The following TTYH3 variants were observed in gnomAD, a reference collection of about 807,000 sequenced individuals.
TTYH3 encodes the protein protein tweety homolog 3.
Under a neutral mutation model 68.2 loss-of-function variants are expected in TTYH3, and 23 were observed. That is an observed-to-expected ratio of 0.34 (90% CI 0.24 to 0.48). The LOEUF (loss-of-function observed/expected upper bound fraction) is 0.48, where lower values mean the gene tolerates loss of function less well. Ranked by LOEUF, TTYH3 falls within the 20% of genes least tolerant of loss-of-function variation. The pLI is 0.99. For synonymous variants in TTYH3, 360 were observed against 332.8 expected (o/e 1.08, Z -0.89); for missense variants, 768 against 727.7 (o/e 1.06, Z -0.64).
At chr7:2,650,123 T>C (rs1244599860) in intron 7 of TTYH3, 135 bp downstream of exon 7, 2 of 813,134 alleles carry the variant, frequency 2.5e-6, no homozygotes, top group African/African-American at 3.4e-5. Flanking sequence ...CAGGCCAAGA[T>C]GCTAGTGAGC....
At chr7:2,654,390 GTC>G (rs1264143719) in intron 9 of TTYH3, among the ~76,000 whole-genome samples, 2 of 151,734 alleles carry the variant, frequency 1.3e-5, no homozygotes, top group Non-Finnish European at 2.9e-5. Context: ...GCAAGACCCT[GTC>G]TCTCTCTCTC....
At chr7:2,643,556 A>ATGGGCGTCCCCTGCCCACTGCCCC (rs1785908318) in intron 1 of TTYH3, among the ~76,000 whole-genome samples, 1 of 152,170 alleles carries the variant, frequency 6.6e-6, no homozygotes, top group Non-Finnish European at 1.5e-5. Flanking sequence ...CCCACCGGGC[A>ATGGGCGTCCCCTGCCCACTGCCCC]TGGGCGTCCC....
chr7:2,648,079 C>T (rs757060288), intron 5 of TTYH3, 25 bp downstream of exon 5: 54 of 1,596,828 alleles, frequency 3.4e-5, no homozygotes, highest in South Asian at 7.7e-5. Context: ...GTCGGCCCCC[C>T]GTGGGCCCAA....
At chr7:2,637,373 T>G (rs970425927) in intron 1 of TTYH3, among the ~76,000 whole-genome samples, 6 of 152,164 alleles carry the variant, frequency 3.9e-5, no homozygotes, top group Non-Finnish European at 8.8e-5. Context: ...AAAGCACTTT[T>G]CTTGGAGAGC....
chr7:2,640,117 C>T (rs1267316972), intron 1 of TTYH3, among the ~76,000 whole-genome samples: 1 of 152,222 alleles, frequency 6.6e-6, no homozygotes, highest in Admixed American at 6.5e-5. Context: ...TCAGGGCAGA[C>T]CCGCAGCAGT....
Position 2,635,146 on chromosome 7 carries a change from G to A in TTYH3, c.123+2868G>A, listed in dbSNP as rs1583552644. On this transcript the variant is annotated intron_variant, in intron 1 of 13. Coordinates refer to ENST00000258796, the MANE Select transcript of TTYH3 (RefSeq NM_025250.3). ...CCCACAGGAGGCCTGAGACTCCCTG[G>A]TGGCCCTGCAGCTGAGCTGGCAGGG... Among the ~76,000 whole-genome samples the A allele has an allele frequency of 2.0e-5, 3 of 152,306 alleles. No individual in the cohort carries two copies. The South Asian group carries it at 6.2e-4, about 32-fold the overall frequency.
At chr7:2,633,113 C>T (rs749247453) in intron 1 of TTYH3, among the ~76,000 whole-genome samples, 3 of 149,882 alleles carry the variant, frequency 2.0e-5, no homozygotes, top group Non-Finnish European at 3.0e-5. Flanking sequence ...CGCCAAGCTA[C>T]TGTCATTTGA....
chr7:2,647,014 G>A lies in TTYH3; in HGVS notation c.285G>A (p.Leu95=), dbSNP rs762592621. ...CTAWCVIIAT[L]VCSAGIAVGF... ...CCTGGTGTGTCATCATCGCCACGCT[G>A]GTGTGCAGGTGAGCGCGGTGGGGCG... Residue 95 remains leucine (L), a synonymous_variant, in exon 2 of 14, where the codon CTG becomes CTA. Coordinates refer to ENST00000258796, the MANE Select transcript of TTYH3 (RefSeq NM_025250.3). The A allele has an allele frequency of 5.1e-6, 8 of 1,568,796 alleles. No individual in the cohort carries two copies. The Admixed American group carries it at 1.1e-4, about 22-fold the overall frequency.
At chr7:2,633,219 T>C (rs1435960874) in intron 1 of TTYH3, among the ~76,000 whole-genome samples, 2 of 152,138 alleles carry the variant, frequency 1.3e-5, no homozygotes, top group African/African-American at 4.8e-5. Context: ...CACCCGGAGT[T>C]TCTCTCTGGA....
intron 1 of TTYH3, among the ~76,000 whole-genome samples, chr7:2,638,770 A>G (rs996790936): frequency 2.0e-5 from 3 of 152,118 alleles, no homozygotes; most frequent in South Asian, 2.1e-4. Context: ...CGAGTGTGCT[A>G]TGGGTAGGGG....
At chr7:2,656,675 A>G in intron 11 of TTYH3, 141 bp downstream of exon 11, 1 of 1,026,782 alleles carries the variant, frequency 9.7e-7, no homozygotes, top group Non-Finnish European at 1.3e-6. Context: ...GACCCTCCCT[A>G]GGCCTCTCTA....
rs1324233850 is a variant in TTYH3, at chr7:2,647,182, A to G, written c.334A>G (p.Ser112Gly). 3 of 1,606,972 alleles carry G rather than the reference A, an allele frequency of 1.9e-6. No homozygotes were observed. The highest frequency in any genetic ancestry group is 2.7e-5 in the African/African-American group (2 of 74,856). ...AVGFYGNGET[S>G]DGIHRATYSL... Reference sequence around the variant, plus strand: ...GGGATTCTACGGCAACGGGGAGACCAGTGATGGCATCCATAGGGCCACCTA... The same window carrying G: ...GGGATTCTACGGCAACGGGGAGACCGGTGATGGCATCCATAGGGCCACCTA... Residue 112 changes from serine (S) to glycine (G), a missense_variant, in exon 3 of 14, where the codon AGT (serine) becomes GGT (glycine). Ser to Gly is a moderately conservative substitution (Grantham distance 56). Transcript: ENST00000258796.
chr7:2,653,038 G>T, intron 9 of TTYH3, 28 bp downstream of exon 9: 1 of 1,537,486 alleles, frequency 6.5e-7, no homozygotes, highest in Non-Finnish European at 8.8e-7. Context: ...AGGCACTGGG[G>T]CAGGCAGGGC....
rs1165980334 is a variant in TTYH3, at chr7:2,662,003, G to C, written c.*264G>C. 3.4e-6 allele frequency: 2 copies of C among 589,072 alleles called. No homozygotes were observed. The highest frequency in any genetic ancestry group is 4.5e-4 in the Middle Eastern group (1 of 2,206). 36.5% of individuals were successfully genotyped at this position (589,072 alleles called of 1,614,324 possible). On this transcript the variant is annotated 3_prime_UTR_variant, in exon 14 of 14. Transcript: ENST00000258796. ...AGCCCTGCACGCCACCCACTATCCC[G>C]GCACGCTCCCTCTGCAGATGGTCGC...
At chr7:2,651,727 T>G (rs1460051248) in intron 7 of TTYH3, among the ~76,000 whole-genome samples, 1 of 152,210 alleles carries the variant, frequency 6.6e-6, no homozygotes, top group Non-Finnish European at 1.5e-5. Context: ...TTCATCATTT[T>G]TTGAACTTTT....
intron 7 of TTYH3, 123 bp from the exon 8 acceptor site, chr7:2,652,064 C>A (rs951021083): frequency 5.6e-5 from 44 of 787,370 alleles, no homozygotes; most frequent in Non-Finnish European, 9.4e-5. Flanking sequence ...CACAGACACA[C>A]ATGCACACAT....
intron 12 of TTYH3, 79 bp from the exon 13 acceptor site, chr7:2,658,861 C>T: frequency 7.1e-7 from 1 of 1,411,218 alleles, no homozygotes; most frequent in African/African-American, 1.4e-5. Flanking sequence ...CACAGCGGGC[C>T]TACCCATGGG....
chr7:2,652,841 C>T (rs570456334), intron 8 of TTYH3, 77 bp from the exon 9 acceptor site: 54 of 1,222,032 alleles, frequency 4.4e-5, no homozygotes, highest in African/African-American at 2.9e-4. Context: ...CTGGTGTCCC[C>T]GCGTTGGAGG....
At position 2,652,909 on chromosome 7, in the gene TTYH3, C is replaced by A. The variant is rs1206941891; in HGVS notation, c.928-9C>A. 1.3e-6 allele frequency: 2 copies of A among 1,556,626 alleles called. No homozygotes were observed. The highest frequency in any genetic ancestry group is 1.7e-6 in the Non-Finnish European group (2 of 1,149,096). ...AGCGCCCATGGACTTGGTCTCCTCT[C>A]TGGAGCAGAAGCTGTCGGGCAGCCA... On this transcript the variant is annotated splice_polypyrimidine_tract_variant and intron_variant, in intron 8 of 13. Transcript: ENST00000258796.
Sources: allele counts gnomAD v4.1 joint callset (sites outside exome capture counted in the v4.1 genomes callset), GRCh38; gene constraint gnomAD v4.1.1; transcripts MANE v1.5; gene names NCBI Gene and HGNC (gene_info 2026-07-23, HGNC 2026-07-21).